BLNK: variants seen among roughly 807,000 people sequenced by gnomAD.
The protein encoded by BLNK is B cell linker.
Under a neutral mutation model 73.5 loss-of-function variants are expected in BLNK, and 29 were observed. The ratio of observed to expected loss-of-function variants is 0.39; its 90% CI spans 0.29 to 0.54. The LOEUF is 0.54. BLNK is among the 20% of genes least tolerant of loss of function. The pLI is 0.61. For missense variants in BLNK, 460 were observed against 562.8 expected (o/e 0.82, Z 1.85); for synonymous variants, 176 against 200.8 (o/e 0.88, Z 1.04).
chr10:96,200,197 C>T lies in BLNK; in HGVS notation c.1012-39G>A, dbSNP rs2083593475. On this transcript the variant is annotated intron_variant, in intron 14 of 16. Transcript: ENST00000224337. The surrounding 1 kb of genome is among the most constrained non-coding windows in gnomAD (Gnocchi z 4.3). ...GGCACTGGTCAGCATGGGATGGTCC[C>T]TACTTAACTCTAATTTCTGTGTACT... is the stretch of plus-strand genomic sequence containing the variant. 6.4e-7 allele frequency: 1 copy of T among 1,552,298 alleles called. No homozygotes were observed. Among genetic ancestry groups the T allele is most frequent in the Non-Finnish European group, 8.9e-7 (1 of 1,124,824 alleles).
intron 1 of BLNK, among the ~76,000 whole-genome samples, chr10:96,254,560 G>A (rs1843431434): frequency 1.3e-5 from 2 of 151,804 alleles, no homozygotes; most frequent in African/African-American, 2.4e-5. Flanking sequence ...CCCCAGGCTG[G>A]AGTGCAATAG....
intron 3 of BLNK, among the ~76,000 whole-genome samples, chr10:96,237,897 G>A (rs1444794674): frequency 2.0e-5 from 3 of 152,190 alleles, no homozygotes; most frequent in Non-Finnish European, 2.9e-5. Flanking sequence ...AACCGAGATC[G>A]TAATTTCTAT....
In BLNK at chr10:96,189,754, A is replaced by T; in HGVS notation, c.*2219T>A. The T allele has an allele frequency of 1.3e-6, 1 of 758,690 alleles. No homozygotes were observed. Among genetic ancestry groups the T allele is most frequent in the Non-Finnish European group, 2.4e-6 (1 of 424,202 alleles). The allele number at this position is 758,690 out of a possible 1,614,324, so 47.0% of individuals were successfully genotyped here. Reference sequence around the variant, plus strand: ...ATCATCTTCATCAGCAGCAAGTTTTACTTTTATTCTCTGGAATCTTGCTAC... The same window carrying T: ...ATCATCTTCATCAGCAGCAAGTTTTTCTTTTATTCTCTGGAATCTTGCTAC... On this transcript the variant is annotated 3_prime_UTR_variant, in exon 17 of 17. Transcript: ENST00000224337.
intron 2 of BLNK, 148 bp from the exon 3 acceptor site, chr10:96,242,932 TG>T (rs1842924231): frequency 1.3e-6 from 1 of 770,506 alleles, no homozygotes; most frequent in Non-Finnish European, 2.3e-6. Context: ...TTTGATGTAT[TG>T]TAAATGTAGT....
At chr10:96,234,708 T>G (rs994673723) in intron 3 of BLNK, among the ~76,000 whole-genome samples, 1 of 152,254 alleles carries the variant, frequency 6.6e-6, no homozygotes, top group Non-Finnish European at 1.5e-5. Context: ...TCTTGAGCAT[T>G]GCAAAGAATG....
intron 1 of BLNK, among the ~76,000 whole-genome samples, 188 bp from the exon 2 acceptor site, chr10:96,247,237 T>G (rs1268965379): frequency 6.6e-6 from 1 of 152,204 alleles, no homozygotes; most frequent in African/African-American, 2.4e-5. Flanking sequence ...GCATGACTGA[T>G]TCTATAAGGA....
At chr10:96,225,026 G>A (rs962268284) in intron 5 of BLNK, among the ~76,000 whole-genome samples, 5 of 152,184 alleles carry the variant, frequency 3.3e-5, no homozygotes, top group Non-Finnish European at 7.3e-5. Flanking sequence ...AATGAGGATC[G>A]TAATATCGAC....
At position 96,189,665 on chromosome 10, in the gene BLNK, A is replaced by G. The variant is rs782745618; in HGVS notation, c.*2308T>C. 5 of 718,780 alleles carry G rather than the reference A, an allele frequency of 7.0e-6. No individual in the cohort carries two copies. Among genetic ancestry groups the G allele is most frequent in the Non-Finnish European group, 1.0e-5 (4 of 388,422 alleles). 44.5% of individuals were successfully genotyped at this position (718,780 alleles called of 1,614,324 possible). A position where few individuals can be genotyped will look rare whatever the true frequency, so the allele number is the denominator to read the frequency against. ...TGGCTGGAGTATGTAGATTTCTTCA[A>G]TGGTGCTTTTTCTTCAGTTTCCTCA... On this transcript the variant is annotated 3_prime_UTR_variant, in exon 17 of 17. Transcript: ENST00000224337.
At chr10:96,242,152 G>C (rs951807085) in intron 3 of BLNK, among the ~76,000 whole-genome samples, 1 of 152,182 alleles carries the variant, frequency 6.6e-6, no homozygotes, top group Non-Finnish European at 1.5e-5. Flanking sequence ...CATGAGTGCA[G>C]TTTCCCCCGT....
At chr10:96,222,294 G>C (rs587704458) in intron 6 of BLNK, among the ~76,000 whole-genome samples, 1 of 152,212 alleles carries the variant, frequency 6.6e-6, no homozygotes, top group Non-Finnish European at 1.5e-5. Flanking sequence ...CTCCTGCTGG[G>C]CTGCAAATTT....
chr10:96,223,724 G>T, intron 6 of BLNK, 102 bp downstream of exon 6: 2 of 1,391,908 alleles, frequency 1.4e-6, no homozygotes, highest in Non-Finnish European at 2.0e-6. Flanking sequence ...GCAGTCAATA[G>T]CAGGTTGTAA....
At chr10:96,252,192 C>A (rs1226494394) in intron 1 of BLNK, among the ~76,000 whole-genome samples, 1 of 152,114 alleles carries the variant, frequency 6.6e-6, no homozygotes, top group African/African-American at 2.4e-5. Flanking sequence ...GCTGAGAATA[C>A]AGGCACCTGC....
At chr10:96,219,638 C>T (rs1163653419) in intron 6 of BLNK, among the ~76,000 whole-genome samples, 1 of 152,182 alleles carries the variant, frequency 6.6e-6, no homozygotes, top group East Asian at 1.9e-4. Flanking sequence ...TTGTTTTGTT[C>T]TGCAGTGCTT....
At chr10:96,212,741 C>T (rs587604143) in intron 8 of BLNK, among the ~76,000 whole-genome samples, 36 of 152,322 alleles carry the variant, frequency 2.4e-4, no homozygotes, top group African/African-American at 8.7e-4. Flanking sequence ...ACCTGATGGA[C>T]ACTTTTGTGA....
chr10:96,246,809 G>T (rs527934298), intron 2 of BLNK, among the ~76,000 whole-genome samples, 175 bp downstream of exon 2: 165 of 152,282 alleles, frequency 1.1e-3, no homozygotes, highest in Non-Finnish European at 2.0e-3. Flanking sequence ...GCACTCACTT[G>T]TCCTGTTCCA....
At chr10:96,241,747 T>C (rs1264287860) in intron 3 of BLNK, among the ~76,000 whole-genome samples, 1 of 151,760 alleles carries the variant, frequency 6.6e-6, no homozygotes, top group Admixed American at 6.6e-5. Context: ...TTTTTTTTTT[T>C]TGAGACAGGG....
chr10:96,204,360 TAC>T (rs2083739793), intron 12 of BLNK, 170 bp downstream of exon 12: 1 of 803,716 alleles, frequency 1.2e-6, no homozygotes, highest in Admixed American at 2.0e-5. Context: ...TCTGCAACTC[TAC>T]ACAGTTATTT....
At chr10:96,211,076 C>CTGGCCT (rs1564821558) in intron 8 of BLNK, among the ~76,000 whole-genome samples, 1 of 151,910 alleles carries the variant, frequency 6.6e-6, no homozygotes, top group African/African-American at 2.4e-5. Flanking sequence ...GTTGCCCAGG[C>CTGGCCT]TGGCCTTGAA....
intron 4 of BLNK, among the ~76,000 whole-genome samples, chr10:96,228,967 GTA>G (rs35240613): frequency 2.0e-5 from 3 of 151,000 alleles, no homozygotes; most frequent in South Asian, 2.1e-4. Flanking sequence ...TACATAGTAG[GTA>G]TATATATATA....
Sources: gnomAD v4.1 joint callset for allele counts (sites outside exome capture counted in the v4.1 genomes callset) on GRCh38, gnomAD v4.1.1 for gene constraint, Gnocchi (gnomAD v3.1) non-coding constraint, MANE v1.5 for transcripts, NCBI Gene and HGNC (gene_info 2026-07-23, HGNC 2026-07-21) for gene names.